The following ZNF565 variants were observed in gnomAD, a reference collection of about 807,000 sequenced individuals.
ZNF565 encodes zinc finger protein 565.
In ZNF565, 27 loss-of-function variants were observed where a neutral mutation model predicts 39.4. The ratio of observed to expected loss-of-function variants is 0.69; its 90% CI spans 0.51 to 0.95. ZNF565 has a LOEUF of 0.95. Among genes scored for constraint, ZNF565 ranks in the 40% least tolerant of loss-of-function variants. The pLI is 0.00. For missense variants in ZNF565, 524 were observed against 621.1 expected, an observed-to-expected ratio of 0.84 and a Z score of 1.66; for synonymous variants, 185 against 216.6, an observed-to-expected ratio of 0.85 and a Z score of 1.28.
At chr19:36,241,108 C>T (rs1977791773) in intron 1 of ZNF565, among the ~76,000 whole-genome samples, 1 of 152,196 alleles carries the variant, frequency 6.6e-6, no homozygotes, top group Admixed American at 6.5e-5. Context: ...TTCTGTTATA[C>T]CAACACAAAT....
chr19:36,197,534 GGGCA>G (rs954277634), intron 2 of ZNF565, among the ~76,000 whole-genome samples: 2 of 152,046 alleles, frequency 1.3e-5, no homozygotes, highest in South Asian at 2.1e-4. Context: ...TTAGAAAGGA[GGGCA>G]GGCAGGCAGG....
chr19:36,217,534 G>A (rs1332641414), upstream of ZNF565, among the ~76,000 whole-genome samples: 1 of 152,132 alleles, frequency 6.6e-6, no homozygotes, highest in African/African-American at 2.4e-5. Flanking sequence ...ACTTCAAAAT[G>A]TATTGTTAAC....
At chr19:36,242,655 G>T (rs533046277) in intron 1 of ZNF565, among the ~76,000 whole-genome samples, 5 of 152,260 alleles carry the variant, frequency 3.3e-5, no homozygotes, top group African/African-American at 9.6e-5. Flanking sequence ...AACCTGGGAG[G>T]CGGAGGTTGC....
At chr19:36,220,900 A>G (rs939111173) in intron 1 of ZNF565, among the ~76,000 whole-genome samples, 1 of 150,044 alleles carries the variant, frequency 6.7e-6, no homozygotes, top group Non-Finnish European at 1.5e-5. Context: ...TGCCCAGGGC[A>G]GAGTGCAGTG....
chr19:36,185,647 C>A (rs899805186), intron 4 of ZNF565, among the ~76,000 whole-genome samples: 2 of 151,628 alleles, frequency 1.3e-5, no homozygotes, highest in African/African-American at 4.8e-5. Flanking sequence ...TTCCATCTAT[C>A]AAGAATCCTG....
At chr19:36,202,409 A>C (rs373263941) in intron 1 of ZNF565, among the ~76,000 whole-genome samples, 4,301 of 150,910 alleles carry the variant, frequency 0.029, 174 homozygotes, top group African/African-American at 0.097. Flanking sequence ...ACAACAACAA[A>C]AAAAAACTGC....
chr19:36,241,519 G>T (rs1217172273), intron 1 of ZNF565, among the ~76,000 whole-genome samples: 3 of 150,014 alleles, frequency 2.0e-5, no homozygotes, highest in Non-Finnish European at 3.0e-5. Flanking sequence ...GGGGCCGTGC[G>T]CAGTGGCTCA....
In ZNF565 at chr19:36,183,511, G is replaced by A. The variant is rs551908942; in HGVS notation, c.455C>T (p.Thr152Met). The A allele has an allele frequency of 9.3e-5, 150 of 1,614,210 alleles. No individual in the cohort carries two copies. In the South Asian group the frequency reaches 1.3e-3, roughly 14 times the overall value. Residue 152 changes from threonine to methionine, a missense_variant, in exon 5 of 5, where the codon ACG (threonine) becomes ATG (methionine). Coordinates refer to ENST00000304116, the MANE Select transcript of ZNF565 (RefSeq NM_152477.5). Reference protein sequence around the residue: ...YGHMPVFQHHTSHTVRQSRET... With the variant: ...YGHMPVFQHHMSHTVRQSRET... ...CCTGCTCTGACGTACAGTGTGAGAC[G>A]TGTGATGCTGGAACACGGGCATATG... is the stretch of plus-strand genomic sequence containing the variant.
Position 36,236,483 on chromosome 19 carries a change from C to T in ZNF565, c.55+8993G>A, listed in dbSNP as rs746103126. On this transcript the variant is annotated intron_variant, in intron 1 of 4. Transcript: ENST00000355114. The stretch of plus-strand genomic sequence containing the variant: ...GCAGAGAATTTACAGTGGGGAAAAC[C>T]CCTTTGCCTGTAAGGTATGTGGAAA... The T allele has an allele frequency of 5.6e-6, 9 of 1,613,150 alleles. No individual in the cohort carries two copies. Among genetic ancestry groups the T allele is most frequent in the Non-Finnish European group, 7.6e-6 (9 of 1,179,610 alleles).
Position 36,195,236 on chromosome 19 carries a change from G to A in ZNF565, c.10-80C>T, listed in dbSNP as rs533730983. 5.9e-6 allele frequency: 9 copies of A among 1,536,612 alleles called. No homozygotes were observed. The South Asian group carries it at 6.3e-5, about 11-fold the overall frequency. ...ATGAAAATTTTCAAGATGCACAAAAGTACAGAGAATAGTTGACAGTAATGG... is the reference window on the plus strand; with the variant it reads ...ATGAAAATTTTCAAGATGCACAAAAATACAGAGAATAGTTGACAGTAATGG... On this transcript the variant is annotated intron_variant, in intron 2 of 4. Coordinates refer to ENST00000304116, the MANE Select transcript of ZNF565 (RefSeq NM_152477.5).
chr19:36,190,852 C>T (rs940570869), intron 4 of ZNF565, among the ~76,000 whole-genome samples: 3 of 151,686 alleles, frequency 2.0e-5, no homozygotes, highest in South Asian at 2.1e-4. Flanking sequence ...ATTAGCTGGG[C>T]GTGGTGGCGC....
intron 1 of ZNF565, among the ~76,000 whole-genome samples, chr19:36,209,316 T>C (rs1179546722): frequency 6.6e-6 from 1 of 151,794 alleles, no homozygotes; most frequent in Admixed American, 6.6e-5. Context: ...GGCAACTTAG[T>C]GAAAGCCCAT....
rs75740663 is a variant in ZNF565, at chr19:36,208,022, C to T, written c.-65-5972G>A. On this transcript the variant is annotated intron_variant, in intron 1 of 4. Transcript: ENST00000304116. ...GTCCTAACCAGTACACAAATTAGGC[C>T]ATACTTTGACTAGATAAAAATTCAG... Among the ~76,000 whole-genome samples the T allele has an allele frequency of 2.6e-3, 402 of 152,082 alleles. 3 individuals carry two copies. Among genetic ancestry groups the T allele is most frequent in the African/African-American group, 9.0e-3 (372 of 41,486 alleles).
At chr19:36,228,418 A>G (rs1977178400) in intron 1 of ZNF565, 1 of 152,192 alleles carries the variant, frequency 6.6e-6, no homozygotes, top group East Asian at 1.9e-4. Context: ...AACAGCAATC[A>G]CTCACACAAG....
chr19:36,219,889 C>T (rs534417711), intron 1 of ZNF565, among the ~76,000 whole-genome samples: 11 of 152,130 alleles, frequency 7.2e-5, no homozygotes, highest in Non-Finnish European at 4.4e-5. Flanking sequence ...CTTTTCATTC[C>T]TTTTACATTT....
rs1325987653 is a variant in ZNF565, at chr19:36,182,713, G to T, written c.1253C>A (p.Pro418His). Reference sequence around the variant, plus strand: ...CTTCCCACATTCCTTACATTCGTAGGGTTTGTCACCTGTATGAATTCTTTG... The same window carrying T: ...CTTCCCACATTCCTTACATTCGTAGTGTTTGTCACCTGTATGAATTCTTTG... ...QHQRIHTGDK[P>H]YECKECGKAF... Residue 418 changes from proline to histidine, a missense_variant, in exon 5 of 5, where the codon CCC becomes CAC. Pro to His is a moderately conservative substitution (Grantham distance 77). Coordinates refer to ENST00000304116, the MANE Select transcript of ZNF565 (RefSeq NM_152477.5). The T allele has an allele frequency of 1.9e-6, 3 of 1,614,118 alleles. No homozygotes were observed. The highest frequency in any genetic ancestry group is 2.5e-6 in the Non-Finnish European group (3 of 1,180,024).
intron 1 of ZNF565, among the ~76,000 whole-genome samples, chr19:36,234,658 A>G (rs1163895246): frequency 1.3e-5 from 2 of 152,128 alleles, no homozygotes; most frequent in East Asian, 1.9e-4. Context: ...CGGCCTCCCA[A>G]CGTGCTGGGA....
intron 4 of ZNF565, among the ~76,000 whole-genome samples, chr19:36,184,175 T>C (rs1409925919): frequency 6.6e-6 from 1 of 150,536 alleles, no homozygotes; most frequent in Admixed American, 6.6e-5. Context: ...TCAAATATTA[T>C]GCAATTTCAA....
chr19:36,201,181 G>C (rs1320536431), intron 2 of ZNF565, among the ~76,000 whole-genome samples: 2 of 151,974 alleles, frequency 1.3e-5, no homozygotes, highest in Non-Finnish European at 2.9e-5. Context: ...ATGTGGCTCT[G>C]GTCCTAGCTA....
Sources: allele counts gnomAD v4.1 joint callset (sites outside exome capture counted in the v4.1 genomes callset), GRCh38; gene constraint gnomAD v4.1.1; transcripts MANE v1.5; gene names NCBI Gene and HGNC (gene_info 2026-07-23, HGNC 2026-07-21).